The following RAP1GAP2 variants were observed in gnomAD, a reference collection of about 807,000 sequenced individuals.
The protein encoded by RAP1GAP2 is RAP1 GTPase activating protein 2.
A neutral mutation model predicts 95.0 loss-of-function variants in RAP1GAP2; 27 were observed. That is an observed-to-expected ratio of 0.28 (90% CI 0.21 to 0.39). RAP1GAP2 has a LOEUF of 0.39. Ranked by LOEUF, RAP1GAP2 falls within the 10% of genes least tolerant of loss-of-function variation. The probability of loss-of-function intolerance (pLI) is 1.00; values close to 1 mark genes in which losing one functional copy is unlikely to be tolerated. For synonymous variants in RAP1GAP2, 373 were observed against 380.9 expected (o/e 0.98, Z 0.24); for missense variants, 771 against 970.0 (o/e 0.79, Z 2.72).
chr17:3,006,076 C>A (rs1244622839), intron 16 of RAP1GAP2, 35 bp downstream of exon 16: 2 of 1,525,904 alleles, frequency 1.3e-6, no homozygotes, highest in Non-Finnish European at 1.8e-6. Flanking sequence ...TCCCTCCTGA[C>A]TGCTGGGCCA....
At chr17:2,932,688 C>T (rs1038165294) in intron 3 of RAP1GAP2, among the ~76,000 whole-genome samples, 5 of 149,496 alleles carry the variant, frequency 3.3e-5, no homozygotes, top group African/African-American at 1.2e-4. Flanking sequence ...TGGTGGCGGG[C>T]GCCTGTAATC....
Position 2,981,267 on chromosome 17 carries a change from C to T in RAP1GAP2, c.729+19C>T, listed in dbSNP as rs777986292. The T allele has an allele frequency of 3.1e-5, 50 of 1,597,964 alleles. No homozygotes were observed. Among genetic ancestry groups the T allele is most frequent in the Non-Finnish European group, 4.1e-5 (48 of 1,169,288 alleles). On this transcript the variant is annotated intron_variant, in intron 10 of 24. Transcript: ENST00000254695. ...CCCCAAGGTAAGGACCTTCATGCTC[C>T]CAACATAGGGGCCCTGCAGCTTGGC...
upstream of RAP1GAP2, among the ~76,000 whole-genome samples, chr17:2,774,240 C>T (rs2068450363): frequency 6.6e-6 from 1 of 152,144 alleles, no homozygotes; most frequent in Non-Finnish European, 1.5e-5. Flanking sequence ...TTTGAGGCTG[C>T]AAGAGCTCAG....
At chr17:2,799,740 G>T (rs1479072211) in intron 1 of RAP1GAP2, among the ~76,000 whole-genome samples, 1 of 152,198 alleles carries the variant, frequency 6.6e-6, no homozygotes, top group South Asian at 2.1e-4. Context: ...AGGAGATACT[G>T]ACAGTGGGAA....
chr17:2,793,069 G>A (rs895537498), upstream of RAP1GAP2, among the ~76,000 whole-genome samples: 9 of 152,100 alleles, frequency 5.9e-5, no homozygotes, highest in African/African-American at 2.2e-4. Flanking sequence ...TCTCATGTAT[G>A]AAAGCGCATC....
chr17:3,026,445 T>C lies in RAP1GAP2; in HGVS notation c.1961T>C (p.Met654Thr). The C allele has an allele frequency of 1.3e-6, 2 of 1,551,654 alleles. No homozygotes were observed. Among genetic ancestry groups the C allele is most frequent in the African/African-American group, 1.4e-5 (1 of 73,244 alleles). ...AGCACTGCAGGGGAGGGCGAGGCCATGGAGGAGGGCGACAGTGGGGTAGGT... is the reference window on the plus strand; with the variant it reads ...AGCACTGCAGGGGAGGGCGAGGCCACGGAGGAGGGCGACAGTGGGGTAGGT... ...VSSTAGEGEA[M>T]EEGDSGGSQP... Residue 654 changes from methionine (M) to threonine (T), a missense_variant, in exon 21 of 25, where the codon ATG (methionine) becomes ACG (threonine). By Grantham distance (81) the Met-to-Thr change is moderately conservative. Transcript: ENST00000254695.
intron 1 of RAP1GAP2, among the ~76,000 whole-genome samples, chr17:2,757,152 T>G (rs2071163404): frequency 6.6e-6 from 1 of 152,184 alleles, no homozygotes; most frequent in Admixed American, 6.5e-5. Context: ...AGGGTCTCAC[T>G]CTGTTGCCCA....
chr17:2,835,022 C>G (rs1016392325), intron 2 of RAP1GAP2, among the ~76,000 whole-genome samples: 7 of 151,782 alleles, frequency 4.6e-5, no homozygotes, highest in Admixed American at 6.6e-5. Flanking sequence ...CAGGTTCATG[C>G]CATTCTCCTG....
rs371936729 is a variant in RAP1GAP2 at position 2,903,975 on chromosome 17, C to T, written c.81-1309C>T. Among the ~76,000 whole-genome samples the T allele has an allele frequency of 1.7e-3, 264 of 152,166 alleles. 1 individual carries two copies. Among genetic ancestry groups the T allele is most frequent in the African/African-American group, 6.1e-3 (252 of 41,518 alleles). On this transcript the variant is annotated intron_variant, in intron 2 of 24. Coordinates refer to ENST00000254695, the MANE Select transcript of RAP1GAP2 (RefSeq NM_015085.5). The surrounding 1 kb of genome is among the most constrained non-coding windows in gnomAD (Gnocchi z 4.1). ...TGTCGCTTCGCTGGCAGGACTTGGG[C>T]TGGGAAGAGGGGCAGAAGGATTCTC...
chr17:2,966,915 A>C (rs773120248), intron 8 of RAP1GAP2, among the ~76,000 whole-genome samples: 3 of 152,230 alleles, frequency 2.0e-5, no homozygotes, highest in African/African-American at 7.2e-5. Context: ...ATCCTCCATT[A>C]GGACTGGAAA....
chr17:2,854,214 C>T (rs1457847660), intron 2 of RAP1GAP2: 43 of 922,952 alleles, frequency 4.7e-5, no homozygotes, highest in Non-Finnish European at 5.3e-5. Context: ...AGAAAAAAGC[C>T]TCCTCTCCAG....
intron 17 of RAP1GAP2, among the ~76,000 whole-genome samples, chr17:3,017,329 G>A (rs887484827): frequency 1.3e-5 from 2 of 151,976 alleles, no homozygotes; most frequent in African/African-American, 2.4e-5. Context: ...CGTGCCCCCC[G>A]AGACCCTGCA....
At chr17:2,802,260 C>T (rs976572873) in intron 2 of RAP1GAP2, among the ~76,000 whole-genome samples, 6 of 152,152 alleles carry the variant, frequency 3.9e-5, no homozygotes, top group Middle Eastern at 6.3e-3. Flanking sequence ...GGGCAAAGTA[C>T]GGCCAGTCTT....
chr17:2,843,452 C>CT (rs2071450989), intron 2 of RAP1GAP2, among the ~76,000 whole-genome samples: 1 of 151,704 alleles, frequency 6.6e-6, no homozygotes, highest in African/African-American at 2.4e-5. Context: ...TGACTGACTA[C>CT]TTTTTTGTAT....
At chr17:2,897,954 T>C (rs1173096262) in intron 2 of RAP1GAP2, among the ~76,000 whole-genome samples, 1 of 150,758 alleles carries the variant, frequency 6.6e-6, no homozygotes, top group East Asian at 2.0e-4. Flanking sequence ...AGGGTCTCGC[T>C]CTGTCCCCCA....
intron 2 of RAP1GAP2, among the ~76,000 whole-genome samples, chr17:2,833,209 C>G (rs2070971252): frequency 6.7e-6 from 1 of 148,708 alleles, no homozygotes; most frequent in Admixed American, 6.7e-5. Flanking sequence ...GTGGTGCAAT[C>G]TCGGTTCACT....
At chr17:2,896,189 G>C (rs536841958) in intron 2 of RAP1GAP2, among the ~76,000 whole-genome samples, 5 of 152,234 alleles carry the variant, frequency 3.3e-5, no homozygotes, top group African/African-American at 1.2e-4. Context: ...TTTGGCACTC[G>C]GGTCTTTCAG....
chr17:2,898,156 T>G (rs992203712), intron 2 of RAP1GAP2, among the ~76,000 whole-genome samples: 3 of 152,104 alleles, frequency 2.0e-5, no homozygotes, highest in Admixed American at 1.3e-4. Context: ...CAAGCCATCC[T>G]CCTACCTCAG....
chr17:2,864,495 C>A (rs1434064248), intron 2 of RAP1GAP2, among the ~76,000 whole-genome samples: 1 of 152,206 alleles, frequency 6.6e-6, no homozygotes, highest in African/African-American at 2.4e-5. Flanking sequence ...TTCTAGCTAC[C>A]TGATCAGTAC....
Sources: allele counts gnomAD v4.1 joint callset (sites outside exome capture counted in the v4.1 genomes callset), GRCh38; gene constraint gnomAD v4.1.1; non-coding constraint Gnocchi (gnomAD v3.1); transcripts MANE v1.5; gene names NCBI Gene and HGNC (gene_info 2026-07-23, HGNC 2026-07-21).